Variants in ERC1 observed in about 807,000 individuals in gnomAD.
ERC1 encodes the protein ELKS/RAB6-interacting/CAST family member 1, also known as RAB6 interacting protein 2.
Under a neutral mutation model 132.0 loss-of-function variants are expected in ERC1, and 56 were observed. The ratio of observed to expected loss-of-function variants is 0.42; its 90% CI spans 0.34 to 0.53. The LOEUF is 0.53. ERC1 is among the 20% of genes least tolerant of loss of function. ERC1 has a pLI of 0.03. For missense variants in ERC1, 1,202 were observed against 1,349.9 expected, an observed-to-expected ratio of 0.89 and a Z score of 1.72; for synonymous variants, 478 against 476.1, an observed-to-expected ratio of 1.00 and a Z score of -0.05.
intron 12 of ERC1, among the ~76,000 whole-genome samples, chr12:1,191,483 A>G (rs185214012): frequency 1.4e-4 from 21 of 152,288 alleles, no homozygotes; most frequent in Admixed American, 1.4e-3. Context: ...TCCTTGAATA[A>G]GTTTTATTTT....
chr12:1,290,162 T>C lies in ERC1; in HGVS notation c.2780+150T>C, dbSNP rs925736581. The C allele has an allele frequency of 4.5e-6, 3 of 667,752 alleles. No individual in the cohort carries two copies. In the African/African-American group the frequency reaches 5.5e-5, roughly 12 times the overall value. The allele number at this position is 667,752 out of a possible 1,614,324, so 41.4% of individuals were successfully genotyped here. On this transcript the variant is annotated intron_variant, in intron 15 of 18. Coordinates refer to ENST00000360905, the MANE Select transcript of ERC1 (RefSeq NM_178040.4). ...TTCTCACTCTCTAGAATAAATTTGG[T>C]CAAAGGTGGAACAAATCCTGATCAA...
At chr12:1,482,739 A>G (rs2369849) in intron 18 of ERC1, among the ~76,000 whole-genome samples, 64,165 of 151,596 alleles carry the variant, frequency 0.42, 15,149 homozygotes, top group African/African-American at 0.64. Context: ...GAGCCACTGC[A>G]CCTGGCCAAT....
intron 18 of ERC1, among the ~76,000 whole-genome samples, chr12:1,457,631 T>C (rs1023861632): frequency 3.3e-5 from 5 of 152,156 alleles, no homozygotes; most frequent in African/African-American, 1.2e-4. Flanking sequence ...TTTTATACAT[T>C]AAGCAGCAAT....
chr12:1,034,837 A>C (rs1968757191), intron 2 of ERC1, among the ~76,000 whole-genome samples: 1 of 152,224 alleles, frequency 6.6e-6, no homozygotes, highest in Admixed American at 6.5e-5. Flanking sequence ...GCATTCAAAG[A>C]CAAAATATTT....
chr12:1,442,207 C>T (rs1317764737), intron 17 of ERC1, among the ~76,000 whole-genome samples: 1 of 152,222 alleles, frequency 6.6e-6, no homozygotes, highest in Non-Finnish European at 1.5e-5. Context: ...AGTTTACAGG[C>T]ATGATCCACC....
chr12:1,325,418 T>C (rs541007490), intron 15 of ERC1, among the ~76,000 whole-genome samples: 7 of 152,210 alleles, frequency 4.6e-5, no homozygotes, highest in Admixed American at 3.9e-4. Context: ...CAAGTATCCA[T>C]TGAGTTTGGC....
At chr12:1,352,930 A>G (rs962883322) in intron 15 of ERC1, among the ~76,000 whole-genome samples, 3 of 151,910 alleles carry the variant, frequency 2.0e-5, no homozygotes, top group Non-Finnish European at 2.9e-5. Flanking sequence ...AAAAATATAG[A>G]TGAGTGTGAT....
intron 13 of ERC1, among the ~76,000 whole-genome samples, chr12:1,251,883 C>T (rs1443078725): frequency 2.6e-5 from 4 of 152,124 alleles, no homozygotes; most frequent in Non-Finnish European, 5.9e-5. Flanking sequence ...TAAGTTCTCA[C>T]TTTAGTGAAA....
intron 8 of ERC1, among the ~76,000 whole-genome samples, chr12:1,179,422 T>C (rs1954107098): frequency 6.6e-6 from 1 of 152,164 alleles, no homozygotes; most frequent in African/African-American, 2.4e-5. Flanking sequence ...CAAACTGTTT[T>C]ATAGCTTGGC....
chr12:1,083,670 C>A, intron 3 of ERC1, 90 bp downstream of exon 3: 2 of 971,530 alleles, frequency 2.1e-6, no homozygotes, highest in Non-Finnish European at 3.1e-6. Flanking sequence ...AATCTACGTG[C>A]TCTGCCGTGC....
chr12:1,286,345 G>T (rs1055566753), intron 14 of ERC1, among the ~76,000 whole-genome samples: 1 of 144,318 alleles, frequency 6.9e-6, no homozygotes, highest in African/African-American at 2.5e-5. Flanking sequence ...CACAGTAAAA[G>T]ATGATAGAAG....
intron 1 of ERC1, among the ~76,000 whole-genome samples, chr12:1,023,579 C>T (rs1966680729): frequency 6.6e-6 from 1 of 152,078 alleles, no homozygotes; most frequent in South Asian, 2.1e-4. Context: ...TAAAAAAGTA[C>T]TGGAGAAGTA....
intron 15 of ERC1, among the ~76,000 whole-genome samples, chr12:1,304,779 CTTTTTTTTTT>C (rs1186965322): frequency 5.3e-4 from 37 of 70,086 alleles, no homozygotes; most frequent in African/African-American, 9.2e-4. Flanking sequence ...TGTTGTAACT[CTTTTTTTTTT>C]TTTTTTTTTT....
intron 7 of ERC1, among the ~76,000 whole-genome samples, chr12:1,123,132 TAAG>T (rs1480726845): frequency 1.3e-5 from 2 of 152,060 alleles, no homozygotes; most frequent in Non-Finnish European, 2.9e-5. Flanking sequence ...TTAAGTTACT[TAAG>T]AAGATAATGA....
intron 12 of ERC1, 70 bp downstream of exon 12, chr12:1,190,122 T>TA: frequency 7.4e-7 from 1 of 1,350,428 alleles, no homozygotes; most frequent in South Asian, 1.2e-5. Flanking sequence ...TTTGGGGACA[T>TA]ACTTTTTCAG....
chr12:1,390,887 T>C (rs369631759), intron 16 of ERC1: 1 of 152,186 alleles, frequency 6.6e-6, no homozygotes, highest in African/African-American at 2.4e-5. Flanking sequence ...GAGAGGAAAT[T>C]AATGAAGCCT....
chr12:1,151,612 C>A (rs1032335903), intron 8 of ERC1, among the ~76,000 whole-genome samples: 1 of 152,210 alleles, frequency 6.6e-6, no homozygotes, highest in Non-Finnish European at 1.5e-5. Flanking sequence ...CACCAGGAAA[C>A]CATCCTTTGA....
chr12:1,081,441 C>G (rs1398259812), intron 2 of ERC1, among the ~76,000 whole-genome samples: 1 of 152,154 alleles, frequency 6.6e-6, no homozygotes, highest in Non-Finnish European at 1.5e-5. Context: ...GTTTTGATTT[C>G]TGCAATCTGC....
chr12:1,115,829 T>C, intron 6 of ERC1, 37 bp from the exon 7 acceptor site: 1 of 1,581,592 alleles, frequency 6.3e-7, no homozygotes, highest in Non-Finnish European at 8.6e-7. Context: ...GTTTGTTTTA[T>C]TTCTTTTTTC....
Sources: allele counts gnomAD v4.1 joint callset (sites outside exome capture counted in the v4.1 genomes callset), GRCh38; gene constraint gnomAD v4.1.1; transcripts MANE v1.5; gene names NCBI Gene and HGNC (gene_info 2026-07-23, HGNC 2026-07-21).